LHPP: variants seen among roughly 807,000 people sequenced by gnomAD.
LHPP encodes the protein phospholysine phosphohistidine inorganic pyrophosphate phosphatase, also known as hLHPP.
A neutral mutation model predicts 30.3 loss-of-function variants in LHPP; 24 were observed. The ratio of observed to expected loss-of-function variants is 0.79; its 90% CI spans 0.57 to 1.11. LHPP has a LOEUF of 1.11. Among genes scored for constraint, LHPP ranks in the 50% most tolerant of loss-of-function variants. LHPP has a pLI of 0.00. For missense variants in LHPP, 356 were observed against 367.2 expected (o/e 0.97, Z 0.25); for synonymous variants, 150 against 157.1 (o/e 0.95, Z 0.34).
intron 6 of LHPP, among the ~76,000 whole-genome samples, chr10:124,534,093 A>G (rs914568055): frequency 6.6e-6 from 1 of 152,228 alleles, no homozygotes; most frequent in African/African-American, 2.4e-5. Context: ...CAGGCAAAGC[A>G]GAGCCCTTTG....
In LHPP at chr10:124,517,812, C is replaced by A. The variant is rs954223958; in HGVS notation, c.716+541C>A. Among the ~76,000 whole-genome samples, 5 of 152,232 alleles carry A rather than the reference C, an allele frequency of 3.3e-5. No individual in the cohort carries two copies. The highest frequency in any genetic ancestry group is 7.3e-5 in the Non-Finnish European group (5 of 68,040). Reference sequence around the variant, plus strand: ...CAAAAGTCTGCCTGGTCTGGAGCAGCTGTCAGGGGTTGGGAGCTCCCAGGC... The same window carrying A: ...CAAAAGTCTGCCTGGTCTGGAGCAGATGTCAGGGGTTGGGAGCTCCCAGGC... On this transcript the variant is annotated intron_variant, in intron 6 of 6. Transcript: ENST00000368842. This position sits in a 1 kb window ranked among gnomAD's most constrained non-coding sequence, Gnocchi z 4.1.
chr10:124,489,263 G>A (rs1451942004), intron 3 of LHPP, among the ~76,000 whole-genome samples: 1 of 152,196 alleles, frequency 6.6e-6, no homozygotes, highest in Non-Finnish European at 1.5e-5. Flanking sequence ...CCCTATTTTG[G>A]TGTATGTCCT....
At chr10:124,506,698 C>G (rs75439591) in intron 5 of LHPP, among the ~76,000 whole-genome samples, 18,852 of 34,188 alleles carry the variant, frequency 0.55, 5,071 homozygotes, top group African/African-American at 0.66. Context: ...TTCAGGTTGG[C>G]GGGTAGGGAA....
chr10:124,538,833 G>A (rs888574401), intron 6 of LHPP, among the ~76,000 whole-genome samples: 3 of 152,292 alleles, frequency 2.0e-5, no homozygotes, highest in Non-Finnish European at 2.9e-5. Flanking sequence ...CAGAGCCCAC[G>A]TTTGCTGACC....
Position 124,517,239 on chromosome 10 carries a change from G to T in LHPP, c.684G>T (p.Met228Ile), listed in dbSNP as rs1954482987. 2 of 1,605,836 alleles carry T rather than the reference G, an allele frequency of 1.2e-6. No individual in the cohort carries two copies. The highest frequency in any genetic ancestry group is 2.3e-5 in the East Asian group (1 of 44,320). Residue 228 changes from methionine (M) to isoleucine (I), a missense_variant, in exon 6 of 7, where the codon ATG (methionine) becomes ATT (isoleucine). Coordinates refer to ENST00000368842, the MANE Select transcript of LHPP (RefSeq NM_022126.4). This position sits in a 1 kb window ranked among gnomAD's most constrained non-coding sequence, Gnocchi z 4.1. Reference sequence around the variant, plus strand: ...TCGGCGGTGCCCAGCGGTGTGGAATGAGAGCGCTGCAGGTGCGCACCGGGA... The same window carrying T: ...TCGGCGGTGCCCAGCGGTGTGGAATTAGAGCGCTGCAGGTGCGCACCGGGA... ...GDVGGAQRCG[M>I]RALQVRTGKF...
chr10:124,577,838 A>G (rs2133988020), intron 6 of LHPP, among the ~76,000 whole-genome samples: 1 of 151,930 alleles, frequency 6.6e-6, no homozygotes, highest in East Asian at 1.9e-4. Flanking sequence ...CCCCGTCACA[A>G]CTGTACTCAG....
chr10:124,586,514 A>G (rs115856309), intron 6 of LHPP, among the ~76,000 whole-genome samples: 2,369 of 152,270 alleles, frequency 0.016, 59 homozygotes, highest in African/African-American at 0.053. Flanking sequence ...CAAACTCAGC[A>G]CAGAATGGAA....
At chr10:124,543,498 G>T (rs1206701567) in intron 6 of LHPP, among the ~76,000 whole-genome samples, 1 of 152,252 alleles carries the variant, frequency 6.6e-6, no homozygotes, top group African/African-American at 2.4e-5. Flanking sequence ...CTGAGCCTTG[G>T]GGCCTCAAAA....
chr10:124,540,608 T>G (rs1178816311), intron 6 of LHPP, among the ~76,000 whole-genome samples: 1 of 152,244 alleles, frequency 6.6e-6, no homozygotes, highest in Non-Finnish European at 1.5e-5. Flanking sequence ...CCGGGGCTGC[T>G]CGGGGTGGCC....
At chr10:124,524,700 C>T (rs562041638) in intron 6 of LHPP, among the ~76,000 whole-genome samples, 31 of 152,242 alleles carry the variant, frequency 2.0e-4, no homozygotes, top group African/African-American at 7.5e-4. Context: ...GGTGTGGTGA[C>T]ACCCACCTGT....
chr10:124,564,406 A>T (rs1948456176), intron 6 of LHPP, among the ~76,000 whole-genome samples: 1 of 151,396 alleles, frequency 6.6e-6, no homozygotes, highest in Non-Finnish European at 1.5e-5. Flanking sequence ...TGCAGGCGTG[A>T]GCCACCGCGC....
At chr10:124,604,308 C>T (rs988960102) in intron 6 of LHPP, among the ~76,000 whole-genome samples, 1 of 152,188 alleles carries the variant, frequency 6.6e-6, no homozygotes, top group African/African-American at 2.4e-5. Flanking sequence ...CCAGCTCAGG[C>T]CAGGTCACGG....
chr10:124,497,314 C>T (rs1424624401), intron 4 of LHPP, among the ~76,000 whole-genome samples: 1 of 106,524 alleles, frequency 9.4e-6, no homozygotes, highest in African/African-American at 3.1e-5. Context: ...CGCAGCCCCC[C>T]CTGCCCGCCG....
At chr10:124,535,929 C>T (rs916483523) in intron 6 of LHPP, among the ~76,000 whole-genome samples, 8 of 152,372 alleles carry the variant, frequency 5.3e-5, no homozygotes, top group South Asian at 2.1e-4. Context: ...CAAGGTGGGG[C>T]CCCTGGACCT....
At chr10:124,533,883 T>C in intron 6 of LHPP, among the ~76,000 whole-genome samples, 1 of 152,196 alleles carries the variant, frequency 6.6e-6, no homozygotes, top group Non-Finnish European at 1.5e-5. Flanking sequence ...GAGGACTCAG[T>C]GGGATATGGA....
rs985998239 is a variant in LHPP at position 124,564,414 on chromosome 10, C to T, written c.716+47143C>T. On this transcript the variant is annotated intron_variant, in intron 6 of 6. Transcript: ENST00000368842. ...CTGGGATTGCAGGCGTGAGCCACCG[C>T]GCCCGGCCAATTTTTTTTTTTATAG... Among the ~76,000 whole-genome samples the T allele has an allele frequency of 6.6e-5, 10 of 151,714 alleles. 1 individual carries two copies. In the South Asian group the frequency reaches 1.0e-3, roughly 16 times the overall value.
chr10:124,498,237 G>A (rs1459647557), intron 5 of LHPP, 109 bp downstream of exon 5: 103 of 1,501,596 alleles, frequency 6.9e-5, no homozygotes, highest in Non-Finnish European at 9.5e-5. Flanking sequence ...TGGCCAGGCA[G>A]CCAAGCGTGG....
chr10:124,610,968 C>A (rs74845924), intron 6 of LHPP, among the ~76,000 whole-genome samples: 26 of 40,214 alleles, frequency 6.5e-4, no homozygotes, highest in South Asian at 3.5e-3. Context: ...GGTGAGGGTG[C>A]GGGTGAGGGT....
rs4022274 is a variant in LHPP at position 124,529,026 on chromosome 10, C to CTTT, written c.716+11776_716+11778dup. Reference sequence around the variant, plus strand: ...CCTGGGTTTGTGAATTTGGGGGATTCTTTTTTTTTTTTTTTTTTTTTTTGA... The same window carrying CTTT: ...CCTGGGTTTGTGAATTTGGGGGATTCTTTTTTTTTTTTTTTTTTTTTTTTTTGA... On this transcript the variant is annotated intron_variant, in intron 6 of 6. Transcript: ENST00000368842. Among the ~76,000 whole-genome samples, 27 of 78,266 alleles carry CTTT rather than the reference C, an allele frequency of 3.4e-4. 1 individual carries two copies. Among genetic ancestry groups the CTTT allele is most frequent in the African/African-American group, 1.7e-3 (24 of 14,090 alleles). 51.3% of individuals were successfully genotyped at this position (78,266 alleles called of 152,430 possible). A position where few individuals can be genotyped will look rare whatever the true frequency, so the allele number is the denominator to read the frequency against.
Sources: gnomAD v4.1 joint callset for allele counts (sites outside exome capture counted in the v4.1 genomes callset) on GRCh38, gnomAD v4.1.1 for gene constraint, Gnocchi (gnomAD v3.1) non-coding constraint, MANE v1.5 for transcripts, NCBI Gene and HGNC (gene_info 2026-07-23, HGNC 2026-07-21) for gene names.